The following LINGO4 variants were observed in gnomAD, a reference collection of about 807,000 sequenced individuals.
LINGO4 encodes the protein leucine rich repeat and Ig domain containing 4.
LINGO4 carries 22 observed loss-of-function variants against 27.9 expected under a neutral mutation model. The observed-to-expected ratio is 0.79, with a 90% CI of 0.56 to 1.13. The LOEUF is 1.13. Ranked by LOEUF, LINGO4 falls within the 50% of genes most tolerant of loss-of-function variation. LINGO4 has a pLI of 0.00. For synonymous variants in LINGO4, 306 were observed against 325.8 expected (o/e 0.94, Z 0.65); for missense variants, 706 against 739.4 (o/e 0.95, Z 0.52).
intron 1 of LINGO4, among the ~76,000 whole-genome samples, chr1:151,803,200 G>A (rs145398984): frequency 6.6e-6 from 1 of 152,296 alleles, no homozygotes; most frequent in Non-Finnish European, 1.5e-5. Context: ...AAGGCTCAGG[G>A]AGATCATGTC....
chr1:151,802,531 G>A lies in LINGO4; in HGVS notation c.174C>T (p.Leu58=). 2 of 1,606,880 alleles carry A rather than the reference G, an allele frequency of 1.2e-6. No homozygotes were observed. The highest frequency in any genetic ancestry group is 1.7e-6 in the Non-Finnish European group (2 of 1,176,420). ...HRQLEAVPGG[L]PLDTELLDLS... is the part of the protein sequence containing the mutation. ...GGTCCAGGAGCTCAGTGTCCAGTGG[G>A]AGTCCTCCAGGTACAGCCTCCAGTT... Residue 58 remains leucine (L), a synonymous_variant, in exon 2 of 2, where the codon CTC becomes CTT. Transcript: ENST00000368820.
chr1:151,803,986 C>T (rs1031494885), intron 1 of LINGO4, among the ~76,000 whole-genome samples: 3 of 152,120 alleles, frequency 2.0e-5, no homozygotes, highest in Admixed American at 6.5e-5. Context: ...GGGATGGCTA[C>T]AGAGATAGGA....
At chr1:151,802,741 CT>C in intron 1 of LINGO4, 24 bp from the exon 2 acceptor site, 1 of 1,436,640 alleles carries the variant, frequency 7.0e-7, no homozygotes, top group Non-Finnish European at 9.1e-7. Context: ...TGACATGGCC[CT>C]TTTTGGAAAG....
At position 151,805,389 on chromosome 1, in the gene LINGO4, T is replaced by C. The variant is rs1651260647; in HGVS notation, c.-173A>G. On this transcript the variant is annotated 5_prime_UTR_variant, in exon 1 of 2. Coordinates refer to ENST00000368820, the MANE Select transcript of LINGO4 (RefSeq NM_001004432.4). ...TGCTGCCTGCCGCTGCTGCTGCTGCTGTTGCTGCTGCGGCCGCTGCTGCCA... is the reference window on the plus strand; with the variant it reads ...TGCTGCCTGCCGCTGCTGCTGCTGCCGTTGCTGCTGCGGCCGCTGCTGCCA... 1.0e-5 allele frequency: 2 copies of C among 195,862 alleles called. No homozygotes were observed. The highest frequency in any genetic ancestry group is 2.1e-5 in the Non-Finnish European group (2 of 93,814). 12.1% of individuals were successfully genotyped at this position (195,862 alleles called of 1,614,324 possible).
rs777069957 is a variant in LINGO4, at chr1:151,801,920, C to T, written c.785G>A (p.Cys262Tyr). Residue 262 changes from cysteine (C) to tyrosine (Y), a missense_variant, in exon 2 of 2, where the codon TGC becomes TAC. Cys to Tyr is a radical substitution (Grantham distance 194, BLOSUM62 -2). Transcript: ENST00000368820. This position sits in a 1 kb window ranked among gnomAD's most constrained non-coding sequence, Gnocchi z 5.7. ...LNLSSLAITR[C>Y]NLSSVPFQAL... Reference sequence around the variant, plus strand: ...TTGGAAGGGCACCGAGCTCAGATTGCAGCGAGTGATGGCCAGGCTGCTGAG... The same window carrying T: ...TTGGAAGGGCACCGAGCTCAGATTGTAGCGAGTGATGGCCAGGCTGCTGAG... 1.2e-6 allele frequency: 2 copies of T among 1,614,212 alleles called. No homozygotes were observed. Among genetic ancestry groups the T allele is most frequent in the Non-Finnish European group, 1.7e-6 (2 of 1,180,028 alleles).
Position 151,801,565 on chromosome 1 carries a change from C to T in LINGO4, c.1140G>A (p.Met380Ile). 6.2e-7 allele frequency: 1 copy of T among 1,613,778 alleles called. No individual in the cohort carries two copies. Among genetic ancestry groups the T allele is most frequent in the Non-Finnish European group, 8.5e-7 (1 of 1,180,010 alleles). The change falls in exon 2 of 2, where the codon ATG becomes ATA. Residue 380 changes from methionine to isoleucine, a missense_variant. By Grantham distance (10) the Met-to-Ile change is conservative. Transcript: ENST00000368820. This position sits in a 1 kb window ranked among gnomAD's most constrained non-coding sequence, Gnocchi z 5.7. The part of the protein sequence containing the change: ...LRLRRHLDFG[M>I]SPPACAGPHH... ...GGGGGCCAGCACAGGCAGGGGGGGA[C>T]ATGCCAAAGTCCAGGTGGCGGCGGA...
At position 151,802,560 on chromosome 1, in the gene LINGO4, T is replaced by G; in HGVS notation, c.145A>C (p.Arg49=). ...SQPQAVLCGH[R]QLEAVPGGLP... Reference sequence around the variant, plus strand: ...CCTCCAGGTACAGCCTCCAGTTGCCTGTGGCCACAGAGCACAGCCTGGGGC... The same window carrying G: ...CCTCCAGGTACAGCCTCCAGTTGCCGGTGGCCACAGAGCACAGCCTGGGGC... The change falls in exon 2 of 2, where the codon AGG becomes CGG. Residue 49 remains arginine, a synonymous_variant. Coordinates refer to ENST00000368820, the MANE Select transcript of LINGO4 (RefSeq NM_001004432.4). 6.2e-7 allele frequency: 1 copy of G among 1,600,922 alleles called. No homozygotes were observed. Among genetic ancestry groups the G allele is most frequent in the Non-Finnish European group, 8.5e-7 (1 of 1,173,444 alleles).
At position 151,800,913 on chromosome 1, in the gene LINGO4, G is replaced by A; in HGVS notation, c.*10C>T. The A allele has an allele frequency of 6.3e-7, 1 of 1,587,832 alleles. No individual in the cohort carries two copies. Among genetic ancestry groups the A allele is most frequent in the Non-Finnish European group, 8.6e-7 (1 of 1,165,008 alleles). On this transcript the variant is annotated 3_prime_UTR_variant, in exon 2 of 2. Coordinates refer to ENST00000368820, the MANE Select transcript of LINGO4 (RefSeq NM_001004432.4). ...CGGACTTGGTGGGTTCCCCACTGGG[G>A]AAGGAAAGGTCAGAAGAGCTTGGCA...
rs143989839 is a variant in LINGO4, at chr1:151,801,803, C to T, written c.902G>A (p.Arg301Gln). 627 of 1,614,198 alleles carry T rather than the reference C, an allele frequency of 3.9e-4. No homozygotes were observed. The highest frequency in any genetic ancestry group is 4.5e-4 in the Non-Finnish European group (527 of 1,180,034). ...IPARRLSPLVRLQELRLSGAC... is the reference protein window; with the variant it reads ...IPARRLSPLVQLQELRLSGAC... ...CCCTGACAGGCGTAGCTCCTGGAGC[C>T]GCACCAGGGGGCTGAGCCTTCGGGC... Residue 301 changes from arginine to glutamine, a missense_variant, in exon 2 of 2, where the codon CGG (arginine) becomes CAG (glutamine). Transcript: ENST00000368820. This position sits in a 1 kb window ranked among gnomAD's most constrained non-coding sequence, Gnocchi z 5.7.
In LINGO4 at chr1:151,802,093, C is replaced by T. The variant is rs80020782; in HGVS notation, c.612G>A (p.Pro204=). The change falls in exon 2 of 2, where the codon CCG becomes CCA. Residue 204 remains proline (P), a synonymous_variant. Transcript: ENST00000368820. ...CTCTAAGCCTTAGGGCCACTAGTGCCGGGAGACGGGCAAGGGCTAGGCCAG... is the reference window on the plus strand; with the variant it reads ...CTCTAAGCCTTAGGGCCACTAGTGCTGGGAGACGGGCAAGGGCTAGGCCAG... ...TVPGLALARL[P]ALVALRLREL... is the part of the protein sequence containing the mutation. 239 of 1,613,974 alleles carry T rather than the reference C, an allele frequency of 1.5e-4. No individual in the cohort carries two copies. In the African/African-American group the frequency reaches 2.5e-3, roughly 17 times the overall value.
At position 151,802,155 on chromosome 1, in the gene LINGO4, T is replaced by C. The variant is rs1572029190; in HGVS notation, c.550A>G (p.Thr184Ala). ...AGGTTGCAGCGCTCCAGGGTGAGGG[T>C]GCTCAACTTGGCTAGCCCTGCAAAG... ...GAFAGLAKLS[T>A]LTLERCNLST... The change falls in exon 2 of 2, where the codon ACC (threonine) becomes GCC (alanine). Residue 184 changes from threonine to alanine, a missense_variant. By Grantham distance (58) the Thr-to-Ala change is moderately conservative. Transcript: ENST00000368820. The C allele has an allele frequency of 6.2e-7, 1 of 1,613,698 alleles. No homozygotes were observed. Among genetic ancestry groups the C allele is most frequent in the Non-Finnish European group, 8.5e-7 (1 of 1,180,000 alleles).
chr1:151,803,137 G>T (rs1651200700), intron 1 of LINGO4, among the ~76,000 whole-genome samples: 1 of 152,292 alleles, frequency 6.6e-6, no homozygotes, highest in African/African-American at 2.4e-5. Flanking sequence ...GCTCTGCTCT[G>T]TCCCTCTCTG....
At position 151,801,105 on chromosome 1, in the gene LINGO4, T is replaced by G. The variant is rs971429285; in HGVS notation, c.1600A>C (p.Met534Leu). The change falls in exon 2 of 2, where the codon ATG (methionine) becomes CTG (leucine). Residue 534 changes from methionine to leucine, a missense_variant. Transcript: ENST00000368820. The surrounding 1 kb of genome is among the most constrained non-coding windows in gnomAD (Gnocchi z 5.7). Reference protein sequence around the residue: ...PFFLDSRGVAMVLAVGFLPFL... With the variant: ...PFFLDSRGVALVLAVGFLPFL... ...GGGAGGAAGCCGACTGCCAGCACCATGGCCACACCTCTGCTATCCAGAAAA... is the reference window on the plus strand; with the variant it reads ...GGGAGGAAGCCGACTGCCAGCACCAGGGCCACACCTCTGCTATCCAGAAAA... 1 of 1,614,156 alleles carries G rather than the reference T, an allele frequency of 6.2e-7. No homozygotes were observed. Among genetic ancestry groups the G allele is most frequent in the African/African-American group, 1.3e-5 (1 of 75,032 alleles).
Position 151,801,761 on chromosome 1 carries a change from A to G in LINGO4, c.944T>C (p.Ile315Thr). Residue 315 changes from isoleucine (I) to threonine (T), a missense_variant, in exon 2 of 2, where the codon ATT (isoleucine) becomes ACT (threonine). Coordinates refer to ENST00000368820, the MANE Select transcript of LINGO4 (RefSeq NM_001004432.4). This position sits in a 1 kb window ranked among gnomAD's most constrained non-coding sequence, Gnocchi z 5.7. ...LRLSGACLTS[I>T]AAHAFHGLTA... Reference sequence around the variant, plus strand: ...CAAGCCATGGAAGGCATGGGCAGCAATGGAGGTGAGGCATGCCCCTGACAG... The same window carrying G: ...CAAGCCATGGAAGGCATGGGCAGCAGTGGAGGTGAGGCATGCCCCTGACAG... The G allele has an allele frequency of 1.2e-6, 2 of 1,614,214 alleles. No individual in the cohort carries two copies. The highest frequency in any genetic ancestry group is 1.7e-6 in the Non-Finnish European group (2 of 1,180,040).
rs760977312 is a variant in LINGO4 at position 151,801,290 on chromosome 1, C to G, written c.1415G>C (p.Arg472Pro). The change falls in exon 2 of 2, where the codon CGC (arginine) becomes CCC (proline). Residue 472 changes from arginine (R) to proline (P), a missense_variant. By Grantham distance (103) the Arg-to-Pro change is moderately radical. Transcript: ENST00000368820. The surrounding 1 kb of genome is among the most constrained non-coding windows in gnomAD (Gnocchi z 5.7). The stretch of plus-strand genomic sequence containing the variant: ...CCCTCTGTCCCGTAGCTGCACTGAG[C>G]GGATCTCCAGTGTCCCATCCTCTAG... ...RVLEDGTLEI[R>P]SVQLRDRGAY... is the part of the protein sequence containing the mutation. The G allele has an allele frequency of 6.2e-7, 1 of 1,613,938 alleles. No individual in the cohort carries two copies. Among genetic ancestry groups the G allele is most frequent in the Non-Finnish European group, 8.5e-7 (1 of 1,179,812 alleles).
In LINGO4 at chr1:151,801,790, T is replaced by C; in HGVS notation, c.915A>G (p.Leu305=). The change falls in exon 2 of 2, where the codon CTA becomes CTG. Residue 305 remains leucine, a synonymous_variant. Transcript: ENST00000368820. The surrounding 1 kb of genome is among the most constrained non-coding windows in gnomAD (Gnocchi z 5.7). ...AGGTGAGGCATGCCCCTGACAGGCG[T>C]AGCTCCTGGAGCCGCACCAGGGGGC... is the stretch of plus-strand genomic sequence containing the variant. ...RLSPLVRLQE[L]RLSGACLTSI... is the part of the protein sequence containing the mutation. 1 of 1,614,160 alleles carries C rather than the reference T, an allele frequency of 6.2e-7. No individual in the cohort carries two copies.
rs746397211 is a variant in LINGO4, at chr1:151,802,332, G to A, written c.373C>T (p.Pro125Ser). 1.9e-6 allele frequency: 3 copies of A among 1,614,180 alleles called. No individual in the cohort carries two copies. The highest frequency in any genetic ancestry group is 2.5e-6 in the Non-Finnish European group (3 of 1,180,026). Residue 125 changes from proline (P) to serine (S), a missense_variant, in exon 2 of 2, where the codon CCT (proline) becomes TCT (serine). Coordinates refer to ENST00000368820, the MANE Select transcript of LINGO4 (RefSeq NM_001004432.4). ...GCAGAGAGGCCTGAGAAGACCCCAGGCCCCATGATTCTGAGCCGATTGCCC... is the reference window on the plus strand; with the variant it reads ...GCAGAGAGGCCTGAGAAGACCCCAGACCCCATGATTCTGAGCCGATTGCCC... ...LQGNRLRIMGPGVFSGLSALT... is the reference protein window; with the variant it reads ...LQGNRLRIMGSGVFSGLSALT...
In LINGO4 at chr1:151,801,555, C is replaced by T; in HGVS notation, c.1150G>A (p.Ala384Thr). Residue 384 changes from alanine (A) to threonine (T), a missense_variant, in exon 2 of 2, where the codon GCC becomes ACC. Coordinates refer to ENST00000368820, the MANE Select transcript of LINGO4 (RefSeq NM_001004432.4). This position sits in a 1 kb window ranked among gnomAD's most constrained non-coding sequence, Gnocchi z 5.7. ...RHLDFGMSPPACAGPHHVQGK... is the reference protein window; with the variant it reads ...RHLDFGMSPPTCAGPHHVQGK... Reference sequence around the variant, plus strand: ...TGGACATGATGGGGGCCAGCACAGGCAGGGGGGGACATGCCAAAGTCCAGG... The same window carrying T: ...TGGACATGATGGGGGCCAGCACAGGTAGGGGGGGACATGCCAAAGTCCAGG... 1 of 1,613,750 alleles carries T rather than the reference C, an allele frequency of 6.2e-7. No homozygotes were observed. Among genetic ancestry groups the T allele is most frequent in the Non-Finnish European group, 8.5e-7 (1 of 1,179,986 alleles).
Position 151,801,903 on chromosome 1 carries a change from G to C in LINGO4, c.802C>G (p.Pro268Ala), listed in dbSNP as rs2101644120. 1 of 1,614,224 alleles carries C rather than the reference G, an allele frequency of 6.2e-7. No individual in the cohort carries two copies. The highest frequency in any genetic ancestry group is 8.5e-7 in the Non-Finnish European group (1 of 1,180,030). Reference protein sequence around the residue: ...AITRCNLSSVPFQALYHLSFL... With the variant: ...AITRCNLSSVAFQALYHLSFL... ...CTGAGGTGGTACAGTGCTTGGAAGG[G>C]CACCGAGCTCAGATTGCAGCGAGTG... The change falls in exon 2 of 2, where the codon CCC becomes GCC. Residue 268 changes from proline (P) to alanine (A), a missense_variant. By Grantham distance (27) the Pro-to-Ala change is conservative. Coordinates refer to ENST00000368820, the MANE Select transcript of LINGO4 (RefSeq NM_001004432.4). The surrounding 1 kb of genome is among the most constrained non-coding windows in gnomAD (Gnocchi z 5.7).
Sources: allele counts gnomAD v4.1 joint callset (sites outside exome capture counted in the v4.1 genomes callset), GRCh38; gene constraint gnomAD v4.1.1; non-coding constraint Gnocchi (gnomAD v3.1); transcripts MANE v1.5; gene names NCBI Gene and HGNC (gene_info 2026-07-23, HGNC 2026-07-21).